CUEDC1: variants seen among roughly 807,000 people sequenced by gnomAD.
CUEDC1 encodes CUE domain-containing protein 1.
In CUEDC1, 30 loss-of-function variants were observed where a neutral mutation model predicts 43.7. The ratio of observed to expected loss-of-function variants is 0.69; its 90% CI spans 0.51 to 0.93. The LOEUF is 0.93. Ranked by LOEUF, CUEDC1 falls within the 40% of genes least tolerant of loss-of-function variation. The pLI is 0.00. For missense variants in CUEDC1, 486 were observed against 549.0 expected (o/e 0.89, Z 1.15); for synonymous variants, 223 against 223.6 (o/e 1.00, Z 0.02).
chr17:57,936,658 T>A (rs2074864100), intron 1 of CUEDC1, among the ~76,000 whole-genome samples: 1 of 152,018 alleles, frequency 6.6e-6, no homozygotes, highest in Admixed American at 6.6e-5. Flanking sequence ...AGAACTGGAT[T>A]AATAGAAAGA....
At chr17:57,864,820 C>T (rs961663443) in intron 10 of CUEDC1, among the ~76,000 whole-genome samples, 5 of 152,078 alleles carry the variant, frequency 3.3e-5, no homozygotes, top group African/African-American at 1.2e-4. Context: ...TTGGGAGGTC[C>T]AGGCGGGCAG....
At chr17:57,939,431 A>G (rs759621006) in intron 1 of CUEDC1, among the ~76,000 whole-genome samples, 3 of 131,662 alleles carry the variant, frequency 2.3e-5, no homozygotes, top group African/African-American at 8.5e-5. Flanking sequence ...CGCCCAGCTA[A>G]TTTTTCAAAT....
At chr17:57,925,085 A>G (rs1194605474) in intron 1 of CUEDC1, among the ~76,000 whole-genome samples, 2 of 151,994 alleles carry the variant, frequency 1.3e-5, no homozygotes, top group Non-Finnish European at 2.9e-5. Context: ...TAAATCAGTA[A>G]GATCACAACT....
In CUEDC1 at chr17:57,869,109, G is replaced by A; in HGVS notation, c.940+13C>T. ...AAAGCTGGGGAGGGAAGCGGGGCCT[G>A]AGTGGGACTCACACTTTCCCATGTG... On this transcript the variant is annotated intron_variant, in intron 7 of 10. Transcript: ENST00000577830. The A allele has an allele frequency of 1.2e-6, 2 of 1,613,500 alleles. No individual in the cohort carries two copies. Among genetic ancestry groups the A allele is most frequent in the Non-Finnish European group, 1.7e-6 (2 of 1,179,704 alleles).
At chr17:57,906,561 G>T (rs1176837582) in intron 1 of CUEDC1, among the ~76,000 whole-genome samples, 1 of 152,212 alleles carries the variant, frequency 6.6e-6, no homozygotes, top group African/African-American at 2.4e-5. Context: ...CAATAATGTG[G>T]ATCTACTAAA....
At chr17:57,924,240 G>C (rs2074724557) in intron 1 of CUEDC1, among the ~76,000 whole-genome samples, 2 of 152,172 alleles carry the variant, frequency 1.3e-5, no homozygotes, top group Non-Finnish European at 2.9e-5. Context: ...CAAGTAGCTG[G>C]GACTACGGGC....
At chr17:57,911,661 C>T (rs947819281) in intron 1 of CUEDC1, among the ~76,000 whole-genome samples, 1 of 152,196 alleles carries the variant, frequency 6.6e-6, no homozygotes, top group Non-Finnish European at 1.5e-5. Context: ...CGCCACCACA[C>T]CTGGCTAATT....
chr17:57,927,145 G>A (rs114223916), intron 1 of CUEDC1, among the ~76,000 whole-genome samples: 1,586 of 152,230 alleles, frequency 0.01, 25 homozygotes, highest in African/African-American at 0.036. Flanking sequence ...CATTCTCACC[G>A]AGCGGCTGGG....
intron 5 of CUEDC1, 88 bp from the exon 6 acceptor site, chr17:57,871,457 G>T (rs1187658698): frequency 1.4e-5 from 15 of 1,060,976 alleles, no homozygotes; most frequent in Non-Finnish European, 1.9e-5. Context: ...GTTTGCTAGA[G>T]GCTAAGTCCC....
chr17:57,906,912 G>A (rs1259844430), intron 1 of CUEDC1, among the ~76,000 whole-genome samples: 5 of 148,598 alleles, frequency 3.4e-5, no homozygotes, highest in African/African-American at 7.5e-5. Context: ...TGGAGGTTGT[G>A]ATGAGCCGAG....
intron 1 of CUEDC1, among the ~76,000 whole-genome samples, chr17:57,898,341 C>G (rs2074435255): frequency 6.6e-6 from 1 of 152,092 alleles, no homozygotes; most frequent in Non-Finnish European, 1.5e-5. Context: ...CAGGAAGCTG[C>G]CGGTGGAGGG....
chr17:57,865,854 C>T (rs1413674518), intron 10 of CUEDC1, among the ~76,000 whole-genome samples: 1 of 146,178 alleles, frequency 6.8e-6, no homozygotes, highest in Admixed American at 6.9e-5. Context: ...TGAAGTTTCA[C>T]TCTTGTCGCC....
Position 57,955,328 on chromosome 17 carries a change from TCGG to T in CUEDC1, c.-422_-420del, listed in dbSNP as rs1353059925. The T allele has an allele frequency of 2.0e-5, 3 of 147,656 alleles. No individual in the cohort carries two copies. The highest frequency in any genetic ancestry group is 6.8e-5 in the Admixed American group (1 of 14,758). The allele number at this position is 147,656 out of a possible 1,614,324, so 9.1% of individuals were successfully genotyped here. On this transcript the variant is annotated 5_prime_UTR_variant, in exon 1 of 11. Coordinates refer to ENST00000577830, the MANE Select transcript of CUEDC1 (RefSeq NM_001271875.2). This position sits in a 1 kb window ranked among gnomAD's most constrained non-coding sequence, Gnocchi z 5.3. The stretch of plus-strand genomic sequence containing the variant: ...CGCAGCGGTGGCGGCGGGGCCAGGC[TCGG>T]CGGCGGCGGCGCGGCTGGGGCGCGG...
At chr17:57,916,044 A>G (rs1191717696) in intron 1 of CUEDC1, among the ~76,000 whole-genome samples, 1 of 152,226 alleles carries the variant, frequency 6.6e-6, no homozygotes, top group Non-Finnish European at 1.5e-5. Flanking sequence ...CCGAAGCCTC[A>G]TCTTCTCACG....
chr17:57,938,865 T>G (rs1317211454), intron 1 of CUEDC1, among the ~76,000 whole-genome samples: 1 of 151,386 alleles, frequency 6.6e-6, no homozygotes, highest in African/African-American at 2.4e-5. Context: ...TTTTTCCATG[T>G]TGGTCAGGCT....
intron 1 of CUEDC1, among the ~76,000 whole-genome samples, chr17:57,889,280 TG>T (rs2074330985): frequency 1.3e-5 from 2 of 152,046 alleles, no homozygotes; most frequent in Admixed American, 1.3e-4. Context: ...CCAGGAGCAG[TG>T]GGTAAATTGG....
At chr17:57,916,908 G>C (rs2074648055) in intron 1 of CUEDC1, among the ~76,000 whole-genome samples, 1 of 152,172 alleles carries the variant, frequency 6.6e-6, no homozygotes, top group African/African-American at 2.4e-5. Flanking sequence ...GGGGTCAAGG[G>C]AGTAACTTCC....
intron 3 of CUEDC1, among the ~76,000 whole-genome samples, chr17:57,876,347 T>C (rs1043975507): frequency 2.0e-5 from 3 of 152,096 alleles, no homozygotes; most frequent in Non-Finnish European, 2.9e-5. Context: ...CTCCTTCCTT[T>C]GCCTGAGCGC....
chr17:57,877,501 A>C (rs2074141698), intron 3 of CUEDC1, among the ~76,000 whole-genome samples: 1 of 150,928 alleles, frequency 6.6e-6, no homozygotes, highest in African/African-American at 2.4e-5. Flanking sequence ...TTATGGCCTC[A>C]GTTTTCCCTT....
Sources: gnomAD v4.1 joint callset for allele counts (sites outside exome capture counted in the v4.1 genomes callset) on GRCh38, gnomAD v4.1.1 for gene constraint, Gnocchi (gnomAD v3.1) non-coding constraint, MANE v1.5 for transcripts, NCBI Gene and HGNC (gene_info 2026-07-23, HGNC 2026-07-21) for gene names.